The following MINDY4 variants were observed in gnomAD, a reference collection of about 807,000 sequenced individuals.
MINDY4 encodes the protein MINDY lysine 48 deubiquitinase 4, also known as probable ubiquitin carboxyl-terminal hydrolase MINDY-4.
MINDY4 carries 68 observed loss-of-function variants against 87.0 expected under a neutral mutation model. That is an observed-to-expected ratio of 0.78 (90% CI 0.64 to 0.96). MINDY4 has a LOEUF of 0.96. MINDY4 is among the 40% of genes least tolerant of loss of function. The pLI, the probability that MINDY4 is intolerant of heterozygous loss-of-function variation, is 0.00. For missense variants in MINDY4, 919 were observed against 928.2 expected (o/e 0.99, Z 0.13); for synonymous variants, 379 against 363.2 (o/e 1.04, Z -0.50).
intron 5 of MINDY4, among the ~76,000 whole-genome samples, chr7:30,802,559 A>C (rs1404332379): frequency 1.3e-5 from 2 of 152,148 alleles, no homozygotes; most frequent in Non-Finnish European, 2.9e-5. Flanking sequence ...ACCTGGCAAT[A>C]ATAAGTGCCA....
intron 13 of MINDY4, among the ~76,000 whole-genome samples, chr7:30,867,034 G>A (rs1372486312): frequency 6.6e-6 from 1 of 152,188 alleles, no homozygotes; most frequent in African/African-American, 2.4e-5. Flanking sequence ...ACCTGATATG[G>A]TCTAGTCCCT....
chr7:30,886,201 T>TG (rs1447948028), intron 17 of MINDY4, among the ~76,000 whole-genome samples: 2 of 152,180 alleles, frequency 1.3e-5, no homozygotes, highest in Non-Finnish European at 2.9e-5. Context: ...TAGGTGGGGC[T>TG]GCAGGGTAGG....
chr7:30,892,150 C>T lies in MINDY4; in HGVS notation c.*145C>T, dbSNP rs1395822448. Reference sequence around the variant, plus strand: ...CAGAAGCATCCAGAGCCTCCCTGCCCCTTCCATGAAGGGCCCACCCAAGAC... The same window carrying T: ...CAGAAGCATCCAGAGCCTCCCTGCCTCTTCCATGAAGGGCCCACCCAAGAC... On this transcript the variant is annotated 3_prime_UTR_variant, in exon 18 of 18. Transcript: ENST00000265299. The T allele has an allele frequency of 7.2e-6, 6 of 834,076 alleles. No homozygotes were observed. The highest frequency in any genetic ancestry group is 1.2e-5 in the Non-Finnish European group (6 of 511,372). 51.7% of individuals were successfully genotyped at this position (834,076 alleles called of 1,614,324 possible).
At chr7:30,875,401 T>G in intron 14 of MINDY4, 94 bp from the exon 15 acceptor site, 1 of 1,391,582 alleles carries the variant, frequency 7.2e-7, no homozygotes, top group Non-Finnish European at 1.0e-6. Context: ...CTTTCCTTCC[T>G]TCTCCACCCT....
Position 30,820,807 on chromosome 7 carries a change from C to T in MINDY4, c.1074-7872C>T, listed in dbSNP as rs561690000. Among the ~76,000 whole-genome samples, 17 of 152,294 alleles carry T rather than the reference C, an allele frequency of 1.1e-4. 1 individual carries two copies. Among genetic ancestry groups the T allele is most frequent in the Middle Eastern group, 3.4e-3 (1 of 294 alleles). On this transcript the variant is annotated intron_variant, in intron 5 of 17. Coordinates refer to ENST00000265299, the MANE Select transcript of MINDY4 (RefSeq NM_032222.3). ...TAAATAGTGCTGCCGTGAACATTTACGCACATGTATTTGTTTGAGTCCCTG... is the reference window on the plus strand; with the variant it reads ...TAAATAGTGCTGCCGTGAACATTTATGCACATGTATTTGTTTGAGTCCCTG...
rs747477976 is a variant in MINDY4, at chr7:30,875,672, C to A, written c.1971+16C>A. 6.3e-7 allele frequency: 1 copy of A among 1,592,260 alleles called. No homozygotes were observed. The highest frequency in any genetic ancestry group is 8.6e-7 in the Non-Finnish European group (1 of 1,167,644). ...CATGTGCCAGGTACCCAGATGCTCACGTTCACCACAAGTAGGGGAGCCTGA... is the reference window on the plus strand; with the variant it reads ...CATGTGCCAGGTACCCAGATGCTCAAGTTCACCACAAGTAGGGGAGCCTGA... On this transcript the variant is annotated intron_variant, in intron 15 of 17. Transcript: ENST00000265299.
intron 5 of MINDY4, among the ~76,000 whole-genome samples, chr7:30,795,001 AC>A (rs898266425): frequency 2.8e-4 from 43 of 151,258 alleles, no homozygotes; most frequent in African/African-American, 1.0e-3. Context: ...TTTACTTACA[AC>A]CCCCCAGGGC....
intron 4 of MINDY4, chr7:30,786,567 C>T (rs1157421624): frequency 2.7e-5 from 4 of 148,352 alleles, no homozygotes; most frequent in African/African-American, 5.1e-5. Context: ...GTTGAGGCTA[C>T]AGTGAGCTGT....
chr7:30,843,116 G>A (rs1444714351), intron 9 of MINDY4, among the ~76,000 whole-genome samples: 1 of 152,216 alleles, frequency 6.6e-6, no homozygotes, highest in African/African-American at 2.4e-5. Context: ...TCACAGCCAG[G>A]GCCCTGGCAT....
At chr7:30,802,877 A>T (rs146366707) in intron 5 of MINDY4, among the ~76,000 whole-genome samples, 12 of 152,008 alleles carry the variant, frequency 7.9e-5, no homozygotes, top group African/African-American at 2.9e-4. Flanking sequence ...CCAACCAACC[A>T]TCCAACCATC....
intron 5 of MINDY4, among the ~76,000 whole-genome samples, chr7:30,807,338 A>G (rs566543489): frequency 1.1e-4 from 17 of 152,334 alleles, no homozygotes; most frequent in Admixed American, 4.6e-4. Flanking sequence ...ATCCACACAC[A>G]GAATTCTCAC....
In MINDY4 at chr7:30,785,981, A is replaced by G. The variant is rs1462522724; in HGVS notation, c.652A>G (p.Ser218Gly). 3 of 1,614,004 alleles carry G rather than the reference A, an allele frequency of 1.9e-6. No homozygotes were observed. In the African/African-American group the frequency reaches 4.0e-5, roughly 22 times the overall value. The change falls in exon 4 of 18, where the codon AGC becomes GGC. Residue 218 changes from serine to glycine, a missense_variant. Transcript: ENST00000265299. ...VRGMMSGPIASSPQDSFHRHY... is the reference protein window; with the variant it reads ...VRGMMSGPIAGSPQDSFHRHY... ...AGGCATGATGTCTGGGCCCATCGCC[A>G]GCTCCCCACAGGTGGGGCTGTTGCT...
chr7:30,809,771 G>C (rs192417165), intron 5 of MINDY4, among the ~76,000 whole-genome samples: 6 of 150,128 alleles, frequency 4.0e-5, no homozygotes, highest in Non-Finnish European at 8.9e-5. Context: ...GAAAAGAATG[G>C]TTATCATCTT....
At chr7:30,807,376 A>T (rs1003976434) in intron 5 of MINDY4, among the ~76,000 whole-genome samples, 6 of 152,202 alleles carry the variant, frequency 3.9e-5, no homozygotes, top group African/African-American at 1.4e-4. Flanking sequence ...GCCCCTGCTC[A>T]GCTCCCTAAC....
chr7:30,803,608 G>A (rs1037065771), intron 5 of MINDY4, among the ~76,000 whole-genome samples: 6 of 152,084 alleles, frequency 3.9e-5, no homozygotes, highest in African/African-American at 1.4e-4. Context: ...GTGGCAGGGG[G>A]CAGTCTTATT....
intron 3 of MINDY4, among the ~76,000 whole-genome samples, chr7:30,782,859 A>G (rs1787047157): frequency 6.6e-6 from 1 of 152,196 alleles, no homozygotes; most frequent in Non-Finnish European, 1.5e-5. Flanking sequence ...GAAACATCAG[A>G]TTTTGCTCTT....
chr7:30,870,239 C>T (rs1167218744), intron 13 of MINDY4, among the ~76,000 whole-genome samples: 2 of 152,202 alleles, frequency 1.3e-5, no homozygotes, highest in Non-Finnish European at 2.9e-5. Context: ...AGGTAATGAT[C>T]TTATGAAGAT....
chr7:30,885,516 AAAAC>A (rs570220240), intron 17 of MINDY4, among the ~76,000 whole-genome samples: 13 of 152,334 alleles, frequency 8.5e-5, no homozygotes, highest in Middle Eastern at 3.4e-3. Context: ...CCGTCTCAAA[AAAAC>A]AAACAAACAA....
chr7:30,828,595 T>C, intron 5 of MINDY4, 84 bp from the exon 6 acceptor site: 1 of 1,380,704 alleles, frequency 7.2e-7, no homozygotes, highest in Non-Finnish European at 1.0e-6. Flanking sequence ...CCTGAATGCC[T>C]ATCCATCGCT....
Sources: allele counts gnomAD v4.1 joint callset (sites outside exome capture counted in the v4.1 genomes callset), GRCh38; gene constraint gnomAD v4.1.1; transcripts MANE v1.5; gene names NCBI Gene and HGNC (gene_info 2026-07-23, HGNC 2026-07-21).